The following RABGAP1L variants were observed in gnomAD, a reference collection of about 807,000 sequenced individuals.
RABGAP1L encodes the protein RAB GTPase activating protein 1 like.
In RABGAP1L, 63 loss-of-function variants were observed where a neutral mutation model predicts 137.7. The ratio of observed to expected loss-of-function variants is 0.46; its 90% CI spans 0.37 to 0.56. The LOEUF is 0.56. Ranked by LOEUF, RABGAP1L falls within the 20% of genes least tolerant of loss-of-function variation. The probability of loss-of-function intolerance (pLI) is 0.00; values close to 1 mark genes in which losing one functional copy is unlikely to be tolerated. For synonymous variants in RABGAP1L, 431 were observed against 433.7 expected (o/e 0.99, Z 0.08); for missense variants, 1,095 against 1,244.0 (o/e 0.88, Z 1.80).
rs148337072 is a variant in RABGAP1L, at chr1:174,217,641, A to G, written c.-33-1484A>G. Among the ~76,000 whole-genome samples the G allele has an allele frequency of 5.6e-3, 853 of 152,298 alleles. 10 individuals carry two copies. Among genetic ancestry groups the G allele is most frequent in the African/African-American group, 0.019 (804 of 41,558 alleles). On this transcript the variant is annotated intron_variant, in intron 1 of 25. Transcript: ENST00000681986. ...CTGCATTTTTAGAAACAAAATATAC[A>G]AAGTGAGAAAAAAACCTTCAGAGGA...
At position 174,394,009 on chromosome 1, in the gene RABGAP1L, G is replaced by C. The variant is rs1418005961; in HGVS notation, c.1574G>C (p.Gly525Ala). ...TGTCTTCTCAGGCACAGTAACCTTG[G>C]TGCACGACCGAAAGGGCTGTCTACT... ...ELLGKWHSNL[G>A]ARPKGLSTLV... The change falls in exon 13 of 26, where the codon GGT becomes GCT. Residue 525 changes from glycine (G) to alanine (A), a missense_variant. Physicochemically the swap from Gly to Ala is moderately conservative, Grantham distance 60 (BLOSUM62 0). Around this residue, in one of 4 missense-constraint regions of RABGAP1L, gnomAD observed 315 missense variants for 324.8 expected, o/e 0.97. Coordinates refer to ENST00000681986, the MANE Select transcript of RABGAP1L (RefSeq NM_001366446.1). 4 of 1,613,212 alleles carry C rather than the reference G, an allele frequency of 2.5e-6. No homozygotes were observed. In the South Asian group the frequency reaches 4.4e-5, roughly 18 times the overall value.
At chr1:174,741,845 C>T (rs1262403543) in intron 17 of RABGAP1L, among the ~76,000 whole-genome samples, 5 of 106,952 alleles carry the variant, frequency 4.7e-5, no homozygotes, top group Admixed American at 2.0e-4. Flanking sequence ...ATGGCAAAAG[C>T]CTATTTCTAC....
chr1:174,318,451 T>TTTTTG (rs759042286), intron 11 of RABGAP1L, among the ~76,000 whole-genome samples: 10 of 152,054 alleles, frequency 6.6e-5, no homozygotes, highest in Admixed American at 2.6e-4. Flanking sequence ...GGGCGTTGTG[T>TTTTTG]TTTTGTTTTG....
chr1:174,915,060 G>C (rs893908451), intron 19 of RABGAP1L, among the ~76,000 whole-genome samples: 2 of 152,058 alleles, frequency 1.3e-5, no homozygotes, highest in Non-Finnish European at 1.5e-5. Flanking sequence ...CCCACATTTT[G>C]TTTATCCATT....
At chr1:174,655,163 T>C (rs1309780191) in intron 14 of RABGAP1L, among the ~76,000 whole-genome samples, 2 of 152,220 alleles carry the variant, frequency 1.3e-5, no homozygotes, top group African/African-American at 4.8e-5. Context: ...TTCTTCTACA[T>C]AATCATAATG....
intron 1 of RABGAP1L, among the ~76,000 whole-genome samples, chr1:174,166,893 A>G (rs578066174): frequency 3.3e-5 from 5 of 152,338 alleles, no homozygotes; most frequent in East Asian, 1.9e-4. Flanking sequence ...AGAAGTTGCT[A>G]TAGTAAATAA....
intron 12 of RABGAP1L, among the ~76,000 whole-genome samples, chr1:174,393,060 A>G (rs1433299914): frequency 7.9e-5 from 12 of 152,218 alleles, no homozygotes; most frequent in Non-Finnish European, 1.5e-5. Flanking sequence ...TCAGATGGGC[A>G]TAGTAGCATA....
intron 6 of RABGAP1L, among the ~76,000 whole-genome samples, chr1:174,251,879 G>A (rs1471793197): frequency 6.6e-6 from 1 of 151,696 alleles, no homozygotes; most frequent in East Asian, 1.9e-4. Context: ...TTTTAAAACT[G>A]AAATTTATCA....
intron 13 of RABGAP1L, among the ~76,000 whole-genome samples, chr1:174,517,856 C>T (rs531551043): frequency 1.6e-4 from 24 of 152,176 alleles, no homozygotes; most frequent in African/African-American, 5.3e-4. Context: ...TCAGTGACAT[C>T]GTTCTTTATA....
At chr1:174,160,819 T>C (rs1401467066) in intron 1 of RABGAP1L, among the ~76,000 whole-genome samples, 1 of 152,246 alleles carries the variant, frequency 6.6e-6, no homozygotes, top group East Asian at 1.9e-4. Context: ...TTCCGTAGAA[T>C]ATCCATTAGT....
At position 174,484,450 on chromosome 1, in the gene RABGAP1L, G is replaced by T. The variant is rs377691736; in HGVS notation, c.1710+90305G>T. 9.2e-5 allele frequency among the ~76,000 whole-genome samples: 14 copies of T among 152,240 alleles called. No homozygotes were observed. The East Asian group carries it at 9.6e-4, about 10-fold the overall frequency. On this transcript the variant is annotated intron_variant, in intron 13 of 25. Transcript: ENST00000681986. The stretch of plus-strand genomic sequence containing the variant: ...ATGTTTGCTTTGGTTGCCTGTGCTT[G>T]TGTGGTATTACTCAAGAAATTTTTG...
intron 19 of RABGAP1L, among the ~76,000 whole-genome samples, chr1:174,834,487 C>G (rs1367374378): frequency 6.6e-6 from 1 of 150,572 alleles, no homozygotes; most frequent in African/African-American, 2.4e-5. Flanking sequence ...ATTTGCCAAT[C>G]CCTCGTGGCC....
At chr1:174,918,529 TC>T (rs1237554663) in intron 19 of RABGAP1L, among the ~76,000 whole-genome samples, 6 of 152,136 alleles carry the variant, frequency 3.9e-5, no homozygotes, top group South Asian at 4.1e-4. Flanking sequence ...ACGCCTGCAA[TC>T]CCAGCATTTT....
At chr1:174,566,046 A>T (rs912992495) in intron 13 of RABGAP1L, among the ~76,000 whole-genome samples, 2 of 152,002 alleles carry the variant, frequency 1.3e-5, no homozygotes, top group South Asian at 2.1e-4. Flanking sequence ...ATGCCACCAC[A>T]TCCAGCTAAT....
intron 13 of RABGAP1L, among the ~76,000 whole-genome samples, chr1:174,596,688 C>G (rs566343517): frequency 2.0e-5 from 3 of 152,082 alleles, no homozygotes; most frequent in Non-Finnish European, 4.4e-5. Flanking sequence ...TCTTCCATTT[C>G]AGTTTGGATG....
intron 13 of RABGAP1L, among the ~76,000 whole-genome samples, chr1:174,438,163 A>G (rs1035761690): frequency 2.0e-5 from 3 of 152,180 alleles, no homozygotes; most frequent in African/African-American, 7.2e-5. Flanking sequence ...TGCATCAACT[A>G]ACGAGCAAGA....
intron 13 of RABGAP1L, among the ~76,000 whole-genome samples, chr1:174,446,576 A>G (rs1424204016): frequency 1.3e-5 from 2 of 152,210 alleles, no homozygotes; most frequent in African/African-American, 4.8e-5. Flanking sequence ...TTTTGGATGG[A>G]TTCTATCCTG....
intron 17 of RABGAP1L, among the ~76,000 whole-genome samples, chr1:174,709,887 GAC>G (rs1194942721): frequency 6.6e-6 from 1 of 152,082 alleles, no homozygotes. Context: ...CTGAGCTAAA[GAC>G]ACAGTGCAAG....
intron 14 of RABGAP1L, among the ~76,000 whole-genome samples, chr1:174,654,876 T>C (rs1273039524): frequency 6.6e-6 from 1 of 152,180 alleles, no homozygotes; most frequent in Non-Finnish European, 1.5e-5. Flanking sequence ...ACTGAATCTA[T>C]TTTTAGAGCT....
Sources: gnomAD v4.1 joint callset for allele counts (sites outside exome capture counted in the v4.1 genomes callset) on GRCh38, gnomAD v4.1.1 for gene constraint, gnomAD v4.1.1 regional missense constraint, MANE v1.5 for transcripts, NCBI Gene and HGNC (gene_info 2026-07-23, HGNC 2026-07-21) for gene names.